Variants in FBXO38 observed in about 807,000 individuals in gnomAD.
FBXO38 encodes the protein F-box only protein 38.
A neutral mutation model predicts 131.9 loss-of-function variants in FBXO38; 53 were observed. The ratio of observed to expected loss-of-function variants is 0.40; its 90% CI spans 0.32 to 0.51. The LOEUF (loss-of-function observed/expected upper bound fraction) is 0.51. Among genes scored for constraint, FBXO38 ranks in the 20% least tolerant of loss-of-function variants. The pLI is 0.53. For synonymous variants in FBXO38, 452 were observed against 505.6 expected (o/e 0.89, Z 1.42); for missense variants, 1,076 against 1,475.6 (o/e 0.73, Z 4.44).
At chr5:148,438,197 C>A in intron 17 of FBXO38, 135 bp from the exon 18 acceptor site, 1 of 690,854 alleles carries the variant, frequency 1.4e-6, no homozygotes, top group Non-Finnish European at 2.2e-6. Context: ...TTTTTGTTAA[C>A]TGTGATTTGT....
At chr5:148,394,073 A>G (rs2113502657) in intron 1 of FBXO38, among the ~76,000 whole-genome samples, 1 of 152,316 alleles carries the variant, frequency 6.6e-6, no homozygotes, top group East Asian at 1.9e-4. Flanking sequence ...AATATTCACA[A>G]GAGAGGGAGA....
At chr5:148,389,445 A>G (rs1034232619) in intron 1 of FBXO38, among the ~76,000 whole-genome samples, 1 of 152,204 alleles carries the variant, frequency 6.6e-6, no homozygotes, top group African/African-American at 2.4e-5. Context: ...CCTGTCCCTC[A>G]TGCTCCATGA....
intron 17 of FBXO38, among the ~76,000 whole-genome samples, chr5:148,435,339 G>T (rs554789281): frequency 3.3e-5 from 5 of 152,268 alleles, no homozygotes; most frequent in African/African-American, 1.2e-4. Context: ...CACTGGAATA[G>T]CACTTTTAAT....
At chr5:148,434,511 A>G (rs1397587404) in intron 17 of FBXO38, 2 of 152,124 alleles carry the variant, frequency 1.3e-5, no homozygotes, top group Non-Finnish European at 2.9e-5. Flanking sequence ...CATTTTTTTC[A>G]ATCTGTAAGC....
chr5:148,388,358 A>G (rs559174049), intron 1 of FBXO38, among the ~76,000 whole-genome samples: 1 of 152,334 alleles, frequency 6.6e-6, no homozygotes, highest in East Asian at 1.9e-4. Context: ...TCATGTCACC[A>G]GCTGCATTCT....
intron 13 of FBXO38, among the ~76,000 whole-genome samples, chr5:148,424,837 A>G (rs986618931): frequency 2.0e-5 from 3 of 152,074 alleles, no homozygotes; most frequent in Non-Finnish European, 4.4e-5. Flanking sequence ...CAGGCATTGT[A>G]CAATGTGACA....
intron 1 of FBXO38, among the ~76,000 whole-genome samples, chr5:148,393,358 TA>T (rs1247303388): frequency 6.6e-6 from 1 of 152,100 alleles, no homozygotes; most frequent in Non-Finnish European, 1.5e-5. Flanking sequence ...CTTAGCCTAG[TA>T]GAGTGTCCAT....
At chr5:148,398,902 G>C (rs777368996) in intron 2 of FBXO38, 97 bp from the exon 3 acceptor site, 412 of 1,305,278 alleles carry the variant, frequency 3.2e-4, no homozygotes, top group Non-Finnish European at 4.2e-4. Context: ...TATTTCATTT[G>C]AGTGGTAGGA....
rs376168098 is a variant in FBXO38, at chr5:148,416,134, AT to A, written c.1407+79del. On this transcript the variant is annotated intron_variant, in intron 11 of 21. Coordinates refer to ENST00000340253, the MANE Select transcript of FBXO38 (RefSeq NM_205836.3). ...GGAAAGAAAATAAAAACAGCCTGTG[AT>A]TTTTTTTTTTTTTTCTTTTCAATGA... 0.12 allele frequency: 136,914 copies of A among 1,144,044 alleles called. 874 individuals are homozygous for A. The highest frequency in any genetic ancestry group is 0.28 in the East Asian group (9,690 of 34,824). 70.9% of individuals were successfully genotyped at this position (1,144,044 alleles called of 1,614,324 possible).
chr5:148,433,387 C>T, intron 15 of FBXO38, 37 bp from the exon 16 acceptor site: 1 of 1,474,256 alleles, frequency 6.8e-7, no homozygotes, highest in Non-Finnish European at 9.4e-7. Context: ...GAAAGCAAGG[C>T]TAAAATTTGG....
At chr5:148,438,251 G>C (rs550199852) in intron 17 of FBXO38, 81 bp from the exon 18 acceptor site, 16 of 1,194,382 alleles carry the variant, frequency 1.3e-5, no homozygotes, top group Non-Finnish European at 1.8e-5. Context: ...GTTTGTTACT[G>C]CAGTATTTTG....
intron 19 of FBXO38, 90 bp from the exon 20 acceptor site, chr5:148,440,334 T>C: frequency 1.3e-6 from 1 of 761,744 alleles, no homozygotes; most frequent in South Asian, 1.6e-5. Flanking sequence ...GTAGAATCTG[T>C]GTCCGAAACA....
At chr5:148,410,816 G>A in intron 9 of FBXO38, 51 bp downstream of exon 9, 1 of 1,533,830 alleles carries the variant, frequency 6.5e-7, no homozygotes, top group Non-Finnish European at 8.8e-7. Flanking sequence ...AAATTTACTT[G>A]ACAAACTGAA....
intron 9 of FBXO38, chr5:148,413,321 C>A (rs1432283695): frequency 2.0e-5 from 3 of 150,962 alleles, no homozygotes; most frequent in African/African-American, 7.3e-5. Context: ...ATATTCAGGG[C>A]AGCTTCACCA....
In FBXO38 at chr5:148,402,481, T is replaced by C. The variant is rs1470214468; in HGVS notation, c.560T>C (p.Ile187Thr). Residue 187 changes from isoleucine (I) to threonine (T), a missense_variant, in exon 5 of 22, where the codon ATA becomes ACA. By Grantham distance (89) the Ile-to-Thr change is moderately conservative. This residue lies in a region of FBXO38 where 96 missense variants were observed against 193.9 expected (regional missense o/e 0.50). Transcript: ENST00000340253. ...CCTGAAAATAAACTGAAAATTCCTA[T>C]AGGAGCCAAAATTCAAACTTTACAT... ...IPPENKLKIP[I>T]GAKIQTLHLV... is the part of the protein sequence containing the mutation. 1 of 1,611,610 alleles carries C rather than the reference T, an allele frequency of 6.2e-7. No individual in the cohort carries two copies. The highest frequency in any genetic ancestry group is 8.5e-7 in the Non-Finnish European group (1 of 1,178,916).
intron 17 of FBXO38, among the ~76,000 whole-genome samples, chr5:148,435,722 A>ATC (rs1754312801): frequency 6.6e-6 from 1 of 152,184 alleles, no homozygotes; most frequent in East Asian, 1.9e-4. Context: ...GTGAGCCGAG[A>ATC]CTGCGCAGCT....
At position 148,392,193 on chromosome 5, in the gene FBXO38, C is replaced by T. The variant is rs547004505; in HGVS notation, c.-63-2521C>T. On this transcript the variant is annotated intron_variant, in intron 1 of 21. Transcript: ENST00000340253. ...TGGGTATCATTTAGGAAGCCATTTC[C>T]GTAGTGCACGTGAATGTTAATGGAG... Among the ~76,000 whole-genome samples the T allele has an allele frequency of 3.9e-4, 59 of 152,116 alleles. 1 individual carries two copies. The highest frequency in any genetic ancestry group is 1.2e-3 in the African/African-American group (48 of 41,506).
At chr5:148,392,891 A>G (rs1007957481) in intron 1 of FBXO38, among the ~76,000 whole-genome samples, 1 of 152,172 alleles carries the variant, frequency 6.6e-6, no homozygotes, top group Non-Finnish European at 1.5e-5. Context: ...AGGAGCTATC[A>G]TAAGATGGAA....
intron 15 of FBXO38, among the ~76,000 whole-genome samples, chr5:148,429,465 G>C (rs1430662454): frequency 6.6e-6 from 1 of 151,800 alleles, no homozygotes; most frequent in East Asian, 1.9e-4. Flanking sequence ...TTGATCTCTG[G>C]TCATTCTATT....
Sources: allele counts gnomAD v4.1 joint callset (sites outside exome capture counted in the v4.1 genomes callset), GRCh38; gene constraint gnomAD v4.1.1; regional missense constraint gnomAD v4.1.1; transcripts MANE v1.5; gene names NCBI Gene and HGNC (gene_info 2026-07-23, HGNC 2026-07-21).